Variants in GPD2 observed in about 807,000 individuals in gnomAD.
The protein encoded by GPD2 is glycerol-3-phosphate dehydrogenase 2.
In GPD2, 54 loss-of-function variants were observed where a neutral mutation model predicts 82.4. That is an observed-to-expected ratio of 0.66 (90% CI 0.53 to 0.82). GPD2 has a LOEUF of 0.82. Ranked by LOEUF, GPD2 falls within the 40% of genes least tolerant of loss-of-function variation. The pLI is 0.00. For synonymous variants in GPD2, 288 were observed against 306.1 expected (o/e 0.94, Z 0.62); for missense variants, 748 against 896.2 (o/e 0.83, Z 2.11).
chr2:156,510,014 C>A (rs1684936534), intron 3 of GPD2, among the ~76,000 whole-genome samples: 1 of 151,956 alleles, frequency 6.6e-6, no homozygotes, highest in Admixed American at 6.6e-5. Context: ...AACTCCTGAC[C>A]TCAAGTGATC....
At chr2:156,439,541 A>AAAAAAAAAAAAAAAAC (rs1682078855) in intron 1 of GPD2, among the ~76,000 whole-genome samples, 1 of 35,560 alleles carries the variant, frequency 2.8e-5, no homozygotes, top group Non-Finnish European at 7.2e-5. Flanking sequence ...AAAAAAAAAC[A>AAAAAAAAAAAAAAAAC]AAAAAAAAAA....
At chr2:156,544,219 C>T (rs1686437527) in intron 6 of GPD2, among the ~76,000 whole-genome samples, 2 of 152,110 alleles carry the variant, frequency 1.3e-5, no homozygotes, top group South Asian at 4.1e-4. Flanking sequence ...GGCTTTAGCT[C>T]AGGGGGCTAC....
intron 13 of GPD2, among the ~76,000 whole-genome samples, chr2:156,578,037 A>G (rs1397004908): frequency 6.6e-6 from 1 of 152,294 alleles, no homozygotes; most frequent in South Asian, 2.1e-4. Flanking sequence ...TGTGTAGCAT[A>G]ATATATATAT....
intron 2 of GPD2, among the ~76,000 whole-genome samples, chr2:156,483,287 G>T (rs543182755): frequency 2.2e-4 from 34 of 152,256 alleles, no homozygotes; most frequent in African/African-American, 7.9e-4. Flanking sequence ...CTGTTGTAGC[G>T]TGTGTAGGTT....
At chr2:156,523,818 C>G (rs1369543608) in intron 6 of GPD2, among the ~76,000 whole-genome samples, 1 of 152,056 alleles carries the variant, frequency 6.6e-6, no homozygotes, top group South Asian at 2.1e-4. Context: ...TGCTGGGATT[C>G]CAGGCATAAG....
At chr2:156,468,455 T>TG (rs1478116669) in intron 1 of GPD2, among the ~76,000 whole-genome samples, 1 of 152,148 alleles carries the variant, frequency 6.6e-6, no homozygotes, top group Non-Finnish European at 1.5e-5. Flanking sequence ...TCAAAATAGT[T>TG]GAAGGAGTGG....
intron 3 of GPD2, among the ~76,000 whole-genome samples, chr2:156,505,170 T>C (rs1684739258): frequency 6.6e-6 from 1 of 152,012 alleles, no homozygotes; most frequent in Non-Finnish European, 1.5e-5. Flanking sequence ...AATTAGAAAT[T>C]CTCACTCAGG....
At chr2:156,543,905 T>C (rs1458376760) in intron 6 of GPD2, among the ~76,000 whole-genome samples, 1 of 152,194 alleles carries the variant, frequency 6.6e-6, no homozygotes, top group Admixed American at 6.5e-5. Flanking sequence ...TTATAGTATT[T>C]CTATAGAAAA....
intron 6 of GPD2, among the ~76,000 whole-genome samples, chr2:156,538,244 G>A (rs535586129): frequency 2.0e-5 from 3 of 152,206 alleles, no homozygotes; most frequent in Admixed American, 6.5e-5. Flanking sequence ...TAGGGTGATC[G>A]GGCTCTGGTA....
Position 156,513,443 on chromosome 2 carries a change from A to G in GPD2, c.608A>G (p.His203Arg). The change falls in exon 6 of 17, where the codon CAT becomes CGT. Residue 203 changes from histidine to arginine, a missense_variant. Physicochemically the swap from His to Arg is conservative, Grantham distance 29. Transcript: ENST00000438166. ...CTCAGCAAATCAAGAGCCCTTGAAC[A>G]TTTCCCAATGCTCCAGAAGGACAAA... ...YVLSKSRALE[H>R]FPMLQKDKLV... The G allele has an allele frequency of 6.2e-7, 1 of 1,612,832 alleles. No homozygotes were observed. Among genetic ancestry groups the G allele is most frequent in the Non-Finnish European group, 8.5e-7 (1 of 1,179,420 alleles).
At chr2:156,483,987 CTT>C (rs10610989) in intron 2 of GPD2, among the ~76,000 whole-genome samples, 33,527 of 92,532 alleles carry the variant, frequency 0.36, 5,848 homozygotes, top group East Asian at 0.59. Context: ...TGCTTGCTTG[CTT>C]TTTTTTTTTT....
intron 1 of GPD2, among the ~76,000 whole-genome samples, chr2:156,463,394 T>C (rs1238822298): frequency 6.6e-6 from 1 of 152,190 alleles, no homozygotes; most frequent in Non-Finnish European, 1.5e-5. Context: ...GATCAGTAAA[T>C]AATTATTAAA....
the GPD2 span, among the ~76,000 whole-genome samples, chr2:156,404,686 C>CAAAAAAAAAAAAAAAAAAAA: frequency 1.6e-5 from 1 of 64,384 alleles, no homozygotes; most frequent in Non-Finnish European, 2.8e-5. Context: ...TTAAAAATAC[C>CAAAAAAAAAAAAAAAAAAAA]AAAAAAAAAA....
intron 8 of GPD2, among the ~76,000 whole-genome samples, chr2:156,551,996 C>G (rs1049602568): frequency 2.0e-5 from 3 of 151,984 alleles, no homozygotes; most frequent in Non-Finnish European, 2.9e-5. Context: ...TTTAATACTT[C>G]CATTCTCCTA....
chr2:156,454,350 A>G (rs1682716591), intron 1 of GPD2, among the ~76,000 whole-genome samples: 1 of 152,144 alleles, frequency 6.6e-6, no homozygotes, highest in African/African-American at 2.4e-5. Context: ...ACTGGCTGAA[A>G]CTAGACCTAA....
intron 6 of GPD2, among the ~76,000 whole-genome samples, chr2:156,546,887 A>G (rs1458320367): frequency 6.8e-6 from 1 of 146,648 alleles, no homozygotes; most frequent in African/African-American, 2.5e-5. Context: ...GAAGTATTCC[A>G]TCCCATAGTT....
intron 13 of GPD2, among the ~76,000 whole-genome samples, chr2:156,577,204 G>A (rs1271484094): frequency 6.6e-6 from 1 of 152,156 alleles, no homozygotes; most frequent in East Asian, 1.9e-4. Context: ...ACTGATGGCT[G>A]GGCACAGTGC....
In GPD2 at chr2:156,443,859, GA is replaced by G. The variant is rs568724203; in HGVS notation, c.-9+7348del. Among the ~76,000 whole-genome samples the G allele has an allele frequency of 1.3e-4, 20 of 152,292 alleles. No homozygotes were observed. The East Asian group carries it at 3.9e-3, about 29-fold the overall frequency. On this transcript the variant is annotated intron_variant, in intron 1 of 16. Transcript: ENST00000438166. ...TCTCTTAAGAAAGAATCTGGAAAAT[GA>G]ATTCCTAACAAGATGACTTACAAAA...
intron 2 of GPD2, among the ~76,000 whole-genome samples, chr2:156,489,975 G>T (rs902221907): frequency 1.3e-5 from 2 of 149,360 alleles, no homozygotes; most frequent in Admixed American, 1.4e-4. Flanking sequence ...GCAGGGTTTC[G>T]GTCTCCCAGT....
Sources: allele counts gnomAD v4.1 joint callset (sites outside exome capture counted in the v4.1 genomes callset), GRCh38; gene constraint gnomAD v4.1.1; transcripts MANE v1.5; gene names NCBI Gene and HGNC (gene_info 2026-07-23, HGNC 2026-07-21).